COL28A1: variants seen among roughly 807,000 people sequenced by gnomAD.
COL28A1 encodes the protein collagen alpha-1(XXVIII) chain.
In COL28A1, 161 loss-of-function variants were observed where a neutral mutation model predicts 150.2. That is an observed-to-expected ratio of 1.07 (90% CI 0.94 to 1.22). COL28A1 has a LOEUF of 1.22. Among genes scored for constraint, COL28A1 ranks in the 50% most tolerant of loss-of-function variants. The probability of loss-of-function intolerance (pLI) is 0.00; values close to 1 mark genes in which losing one functional copy is unlikely to be tolerated. For missense variants in COL28A1, 1,617 were observed against 1,388.3 expected (o/e 1.16, Z -2.62); for synonymous variants, 552 against 469.7 (o/e 1.18, Z -2.26).
chr7:7,382,004 G>T (rs1781899350), intron 27 of COL28A1, among the ~76,000 whole-genome samples: 1 of 151,988 alleles, frequency 6.6e-6, no homozygotes, highest in African/African-American at 2.4e-5. Flanking sequence ...ATGTTTTCTG[G>T]TATGTTAAAA....
intron 33 of COL28A1, among the ~76,000 whole-genome samples, chr7:7,360,898 G>A (rs1432668126): frequency 5.3e-5 from 8 of 152,186 alleles, no homozygotes; most frequent in Non-Finnish European, 4.4e-5. Flanking sequence ...ACTGCTATGA[G>A]AAAATAACCA....
At chr7:7,464,595 T>C (rs1194032012) in intron 15 of COL28A1, among the ~76,000 whole-genome samples, 1 of 152,206 alleles carries the variant, frequency 6.6e-6, no homozygotes, top group Non-Finnish European at 1.5e-5. Context: ...GATGGAAATT[T>C]AAAAATTCTT....
chr7:7,542,553 T>C, the COL28A1 span, among the ~76,000 whole-genome samples: 3 of 152,310 alleles, frequency 2.0e-5, no homozygotes, highest in African/African-American at 7.2e-5. Flanking sequence ...ATAACATCTA[T>C]AAAAGAGACT....
chr7:7,426,641 A>G (rs1784656322), intron 25 of COL28A1, among the ~76,000 whole-genome samples: 1 of 152,198 alleles, frequency 6.6e-6, no homozygotes, highest in South Asian at 2.1e-4. Context: ...TCTCACCTTT[A>G]AATTTCAAAT....
chr7:7,513,223 G>A (rs934608137), intron 8 of COL28A1, among the ~76,000 whole-genome samples: 10 of 152,116 alleles, frequency 6.6e-5, no homozygotes, highest in Non-Finnish European at 1.2e-4. Flanking sequence ...GCAGCCTTGC[G>A]AGGTATATAT....
intron 3 of COL28A1, among the ~76,000 whole-genome samples, chr7:7,529,056 C>A (rs1028736665): frequency 1.3e-5 from 2 of 152,006 alleles, no homozygotes; most frequent in African/African-American, 2.4e-5. Flanking sequence ...AATCCCAACA[C>A]TTTGGGAGGC....
intron 27 of COL28A1, among the ~76,000 whole-genome samples, chr7:7,413,477 T>A (rs866608710): frequency 2.0e-5 from 3 of 152,170 alleles, no homozygotes; most frequent in African/African-American, 7.2e-5. Flanking sequence ...CCAAGCCACT[T>A]TGCAATTAAG....
the COL28A1 span, among the ~76,000 whole-genome samples, chr7:7,345,224 CA>C: frequency 6.6e-6 from 1 of 151,780 alleles, no homozygotes; most frequent in African/African-American, 2.4e-5. Flanking sequence ...TTAAAAGTTA[CA>C]TGATGTTGTT....
chr7:7,430,565 G>A (rs1366095329), intron 25 of COL28A1, among the ~76,000 whole-genome samples: 1 of 152,060 alleles, frequency 6.6e-6, no homozygotes, highest in East Asian at 1.9e-4. Flanking sequence ...TCTACTCTGT[G>A]AAAATGTAAA....
chr7:7,384,231 C>T (rs1432679858), intron 27 of COL28A1, among the ~76,000 whole-genome samples: 1 of 152,122 alleles, frequency 6.6e-6, no homozygotes, highest in Non-Finnish European at 1.5e-5. Flanking sequence ...CATACTGGGC[C>T]CACTGGAAAT....
Position 7,511,106 on chromosome 7 carries a change from C to T in COL28A1, c.912G>A (p.Gly304=), listed in dbSNP as rs780167892. ...KGERGECGKP[G]IKGDKGSPGP... ...TGTTCCTTACCTTGTCACCTTTTATCCCTGGTTTACCACATTCCCCACGTT... is the reference window on the plus strand; with the variant it reads ...TGTTCCTTACCTTGTCACCTTTTATTCCTGGTTTACCACATTCCCCACGTT... The change falls in exon 9 of 35, where the codon GGG becomes GGA. Residue 304 remains glycine (G), a synonymous_variant. Coordinates refer to ENST00000399429, the MANE Select transcript of COL28A1 (RefSeq NM_001037763.3). The T allele has an allele frequency of 1.9e-6, 3 of 1,613,248 alleles. No homozygotes were observed. Among genetic ancestry groups the T allele is most frequent in the South Asian group, 1.1e-5 (1 of 91,024 alleles).
intron 27 of COL28A1, among the ~76,000 whole-genome samples, chr7:7,383,240 C>G (rs542758773): frequency 1.4e-5 from 2 of 144,622 alleles, no homozygotes; most frequent in South Asian, 4.5e-4. Context: ...AATAATACAT[C>G]TTTTTTTTGT....
intron 13 of COL28A1, among the ~76,000 whole-genome samples, chr7:7,480,210 T>C (rs1789275813): frequency 6.6e-6 from 1 of 152,224 alleles, no homozygotes; most frequent in African/African-American, 2.4e-5. Context: ...AAGATCTGTT[T>C]TTCAGTGTTT....
chr7:7,442,445 G>A (rs150108950), intron 20 of COL28A1, among the ~76,000 whole-genome samples: 109 of 152,084 alleles, frequency 7.2e-4, no homozygotes, highest in African/African-American at 2.5e-3. Context: ...TTAGCAGATC[G>A]GCATTTCTAA....
chr7:7,531,577 T>C lies in COL28A1; in HGVS notation c.452A>G (p.Asp151Gly). ...TRLLKREGRK[D>G]GVKVVLLMTD... ...CATCAGCAAAACCACTTTCACACCA[T>C]CCTTACGCCCTTCTCTCTTAAGTAG... Residue 151 changes from aspartate to glycine, a missense_variant, in exon 3 of 35, where the codon GAT becomes GGT. By Grantham distance (94) the Asp-to-Gly change is moderately conservative. Coordinates refer to ENST00000399429, the MANE Select transcript of COL28A1 (RefSeq NM_001037763.3). 1.2e-6 allele frequency: 2 copies of C among 1,603,752 alleles called. No homozygotes were observed. Among genetic ancestry groups the C allele is most frequent in the East Asian group, 2.2e-5 (1 of 44,744 alleles).
intron 16 of COL28A1, among the ~76,000 whole-genome samples, chr7:7,454,219 T>C (rs1786953067): frequency 6.6e-6 from 1 of 152,184 alleles, no homozygotes; most frequent in Admixed American, 6.5e-5. Context: ...GTAAACATGT[T>C]GCTGGAAACA....
At chr7:7,398,005 T>C (rs1245307481) in intron 27 of COL28A1, among the ~76,000 whole-genome samples, 3 of 152,242 alleles carry the variant, frequency 2.0e-5, no homozygotes, top group Non-Finnish European at 4.4e-5. Context: ...TATATTGAAT[T>C]GGACCTTTGA....
At chr7:7,513,799 G>A (rs1781277999) in intron 8 of COL28A1, among the ~76,000 whole-genome samples, 1 of 152,138 alleles carries the variant, frequency 6.6e-6, no homozygotes, top group South Asian at 2.1e-4. Context: ...GTTTTTTGGG[G>A]GGCACAGATT....
At chr7:7,368,205 T>G (rs974317819) in intron 33 of COL28A1, among the ~76,000 whole-genome samples, 1 of 151,866 alleles carries the variant, frequency 6.6e-6, no homozygotes, top group South Asian at 2.1e-4. Context: ...TCTGCCTGCC[T>G]GGCCTATAGA....
Sources: gnomAD v4.1 joint callset for allele counts (sites outside exome capture counted in the v4.1 genomes callset) on GRCh38, gnomAD v4.1.1 for gene constraint, MANE v1.5 for transcripts, NCBI Gene and HGNC (gene_info 2026-07-23, HGNC 2026-07-21) for gene names.